Variants in TSPAN18 observed in about 807,000 individuals in gnomAD.
TSPAN18 encodes tetraspanin-18.
A neutral mutation model predicts 27.3 loss-of-function variants in TSPAN18; 14 were observed. That is an observed-to-expected ratio of 0.51 (90% CI 0.34 to 0.80). TSPAN18 has a LOEUF of 0.80. Ranked by LOEUF, TSPAN18 falls within the 30% of genes least tolerant of loss-of-function variation. The pLI, the probability that TSPAN18 is intolerant of heterozygous loss-of-function variation, is 0.01. For synonymous variants in TSPAN18, 143 were observed against 136.5 expected, an observed-to-expected ratio of 1.05 and a Z score of -0.33; for missense variants, 268 against 323.9, an observed-to-expected ratio of 0.83 and a Z score of 1.32.
intron 3 of TSPAN18, among the ~76,000 whole-genome samples, chr11:44,896,533 A>C (rs1859058505): frequency 6.6e-6 from 1 of 152,086 alleles, no homozygotes; most frequent in Non-Finnish European, 1.5e-5. Context: ...AGGGCCTGTC[A>C]CATAGGTATG....
chr11:44,826,553 C>T (rs1234684847), intron 2 of TSPAN18, among the ~76,000 whole-genome samples: 1 of 152,246 alleles, frequency 6.6e-6, no homozygotes, highest in Non-Finnish European at 1.5e-5. Context: ...GTGTGCCAGG[C>T]ACTGCTCTCA....
intron 2 of TSPAN18, among the ~76,000 whole-genome samples, chr11:44,825,783 C>T (rs1026665024): frequency 2.6e-5 from 4 of 152,164 alleles, no homozygotes; most frequent in Non-Finnish European, 4.4e-5. Context: ...GATCCTCAGA[C>T]GTCCCCAGTT....
At chr11:44,896,749 T>A (rs1859068955) in intron 3 of TSPAN18, among the ~76,000 whole-genome samples, 1 of 152,120 alleles carries the variant, frequency 6.6e-6, no homozygotes, top group Non-Finnish European at 1.5e-5. Flanking sequence ...TCCCCAGCCC[T>A]GCTGTTATCT....
intron 2 of TSPAN18, among the ~76,000 whole-genome samples, chr11:44,779,445 T>C (rs950448939): frequency 1.3e-5 from 2 of 152,134 alleles, no homozygotes; most frequent in African/African-American, 4.8e-5. Context: ...GGTCAACTGG[T>C]TTTAGACCCT....
chr11:44,908,779 G>GA (rs1271311521), intron 4 of TSPAN18, among the ~76,000 whole-genome samples: 4 of 105,786 alleles, frequency 3.8e-5, no homozygotes, highest in African/African-American at 8.7e-5. Flanking sequence ...GAGAAAGAAA[G>GA]AAAGAAAGAA....
intron 3 of TSPAN18, among the ~76,000 whole-genome samples, chr11:44,866,924 GA>G (rs5791651): frequency 0.35 from 52,594 of 152,040 alleles, 10,808 homozygotes; most frequent in Non-Finnish European, 0.45. Context: ...ACAAATTGGG[GA>G]AAAAAAGTCT....
chr11:44,803,404 A>G (rs1261896933), intron 2 of TSPAN18, among the ~76,000 whole-genome samples: 1 of 152,198 alleles, frequency 6.6e-6, no homozygotes, highest in Non-Finnish European at 1.5e-5. Context: ...GAACATGTAC[A>G]GGAGTAGGGA....
At chr11:44,798,342 C>A (rs908663090) in intron 2 of TSPAN18, among the ~76,000 whole-genome samples, 1 of 151,482 alleles carries the variant, frequency 6.6e-6, no homozygotes, top group South Asian at 2.1e-4. Context: ...TGGGTACTGT[C>A]ATCACCATCC....
At position 44,772,815 on chromosome 11, in the gene TSPAN18, C is replaced by T. The variant is rs747133785; in HGVS notation, c.-153+8303C>T. On this transcript the variant is annotated intron_variant, in intron 2 of 9. Coordinates refer to ENST00000520358, the MANE Select transcript of TSPAN18 (RefSeq NM_130783.5). ...CTGGGATTACAGACATGTGCCACCA[C>T]GCCCAGCTAATTTTGTATTTTTAGT... Among the ~76,000 whole-genome samples the T allele has an allele frequency of 5.0e-4, 76 of 152,104 alleles. 1 individual carries two copies. The highest frequency in any genetic ancestry group is 2.6e-3 in the Admixed American group (39 of 15,278).
chr11:44,850,336 G>A (rs1565176443), intron 2 of TSPAN18, among the ~76,000 whole-genome samples: 1 of 152,106 alleles, frequency 6.6e-6, no homozygotes, highest in African/African-American at 2.4e-5. Flanking sequence ...TGACAATTCC[G>A]TGTCCTTGTG....
chr11:44,746,355 C>T (rs1377462097), intron 1 of TSPAN18, among the ~76,000 whole-genome samples: 1 of 152,202 alleles, frequency 6.6e-6, no homozygotes, highest in East Asian at 1.9e-4. Context: ...GGGTTCAATC[C>T]TGACTCCACC....
At chr11:44,779,223 T>C (rs919000432) in intron 2 of TSPAN18, among the ~76,000 whole-genome samples, 3 of 152,152 alleles carry the variant, frequency 2.0e-5, no homozygotes, top group African/African-American at 7.2e-5. Context: ...ACTCCATGGC[T>C]GTGTTCTCAG....
chr11:44,903,087 G>A (rs531025269), intron 3 of TSPAN18, among the ~76,000 whole-genome samples: 1 of 152,034 alleles, frequency 6.6e-6, no homozygotes, highest in African/African-American at 2.4e-5. Context: ...CACCAGGAAC[G>A]CTGGCTGATG....
chr11:44,803,433 G>A (rs1165677254), intron 2 of TSPAN18, among the ~76,000 whole-genome samples: 1 of 152,208 alleles, frequency 6.6e-6, no homozygotes, highest in African/African-American at 2.4e-5. Flanking sequence ...ATCAGAGAGG[G>A]AGGTTGAGGC....
intron 3 of TSPAN18, among the ~76,000 whole-genome samples, chr11:44,884,123 A>G (rs940066767): frequency 2.0e-5 from 3 of 152,068 alleles, no homozygotes; most frequent in Non-Finnish European, 4.4e-5. Flanking sequence ...CACTGCCTCC[A>G]GCCTCCCTGC....
intron 2 of TSPAN18, among the ~76,000 whole-genome samples, chr11:44,853,805 G>A (rs1315458487): frequency 2.0e-5 from 3 of 152,316 alleles, no homozygotes; most frequent in East Asian, 1.9e-4. Flanking sequence ...GAAACTGACC[G>A]GAGTGCAGAA....
intron 2 of TSPAN18, among the ~76,000 whole-genome samples, chr11:44,807,192 T>TAAAA (rs1046665098): frequency 3.3e-4 from 22 of 67,308 alleles, no homozygotes; most frequent in African/African-American, 1.7e-3. Context: ...CCCTGTCTCT[T>TAAAA]AAAAAAAAAA....
rs1590671513 is a variant in TSPAN18 at position 44,908,831 on chromosome 11, A to AAGAAAGAAAGAAAG, written c.64-869_64-868insGAAAGAAAGAGAAA. On this transcript the variant is annotated intron_variant, in intron 4 of 9. Transcript: ENST00000520358. ...AGAAAGAAAGAAAGAAAGAAAGAAAAAGAAAAATGGAGCAGATATTTATTG... is the reference window on the plus strand; with the variant it reads ...AGAAAGAAAGAAAGAAAGAAAGAAAAAGAAAGAAAGAAAGAGAAAAATGGAGCAGATATTTATTG... 3.6e-4 allele frequency among the ~76,000 whole-genome samples: 35 copies of AAGAAAGAAAGAAAG among 96,236 alleles called. 2 individuals are homozygous for AAGAAAGAAAGAAAG. The East Asian group carries it at 8.0e-3, about 22-fold the overall frequency. 63.1% of individuals were successfully genotyped at this position (96,236 alleles called of 152,430 possible).
At chr11:44,814,400 T>G (rs1856779618) in intron 2 of TSPAN18, among the ~76,000 whole-genome samples, 1 of 152,212 alleles carries the variant, frequency 6.6e-6, no homozygotes, top group South Asian at 2.1e-4. Context: ...TCTCATTTGC[T>G]TATTTGAAAA....
Sources: gnomAD v4.1 joint callset for allele counts (sites outside exome capture counted in the v4.1 genomes callset) on GRCh38, gnomAD v4.1.1 for gene constraint, MANE v1.5 for transcripts, NCBI Gene and HGNC (gene_info 2026-07-23, HGNC 2026-07-21) for gene names.